TBX5: variants seen among roughly 807,000 people sequenced by gnomAD.
TBX5 encodes T-box transcription factor TBX5.
In TBX5, 8 loss-of-function variants were observed where a neutral mutation model predicts 51.1. The observed-to-expected ratio is 0.16, with a 90% CI of 0.09 to 0.28. TBX5 has a LOEUF of 0.28. Among genes scored for constraint, TBX5 ranks in the 10% least tolerant of loss-of-function variants. The pLI, the probability that TBX5 is intolerant of heterozygous loss-of-function variation, is 1.00. For synonymous variants in TBX5, 302 were observed against 266.4 expected, an observed-to-expected ratio of 1.13 and a Z score of -1.30; for missense variants, 589 against 671.7, an observed-to-expected ratio of 0.88 and a Z score of 1.36.
chr12:114,379,378 G>C (rs1178214236), intron 7 of TBX5, among the ~76,000 whole-genome samples: 1 of 152,192 alleles, frequency 6.6e-6, no homozygotes, highest in Non-Finnish European at 1.5e-5. Flanking sequence ...GGAGCTCTTT[G>C]TGGAAGTGTA....
In TBX5 at chr12:114,355,640, C is replaced by T. The variant is rs117965596; in HGVS notation, c.1449G>A (p.Gln483=). 4.1e-5 allele frequency: 66 copies of T among 1,614,170 alleles called. No homozygotes were observed. In the East Asian group the frequency reaches 1.4e-3, roughly 35 times the overall value. Residue 483 remains glutamine (Q), a synonymous_variant, in exon 9 of 9, where the codon CAG becomes CAA. Transcript: ENST00000405440. The part of the protein sequence containing the change: ...QTGLQSPGTL[Q]PPEFLYSHGV... Reference sequence around the variant, plus strand: ...CATGAGAGTAGAGGAACTCAGGGGGCTGAAGGGTGCCAGGGGACTGCAGGC... The same window carrying T: ...CATGAGAGTAGAGGAACTCAGGGGGTTGAAGGGTGCCAGGGGACTGCAGGC...
intron 6 of TBX5, among the ~76,000 whole-genome samples, chr12:114,394,323 T>C (rs1871305327): frequency 6.6e-6 from 1 of 151,408 alleles, no homozygotes; most frequent in Non-Finnish European, 1.5e-5. Flanking sequence ...TGTCTCGGAG[T>C]GAAAAATATT....
intron 5 of TBX5, among the ~76,000 whole-genome samples, chr12:114,395,112 A>G (rs1871348001): frequency 6.6e-6 from 1 of 152,222 alleles, no homozygotes; most frequent in Non-Finnish European, 1.5e-5. Context: ...TATTCCAGGA[A>G]TCTACCCAAG....
chr12:114,400,626 C>T (rs1040638268), intron 3 of TBX5, among the ~76,000 whole-genome samples: 1 of 152,184 alleles, frequency 6.6e-6, no homozygotes, highest in South Asian at 2.1e-4. Flanking sequence ...TCAGCCTGAG[C>T]GAGCGCGCCC....
At chr12:114,370,288 G>GAAAAGAAAAGAAAGAAAAGA (rs56105735) in intron 7 of TBX5, among the ~76,000 whole-genome samples, 41 of 56,714 alleles carry the variant, frequency 7.2e-4, no homozygotes, top group Admixed American at 4.5e-3. Context: ...GAAAAGAAAA[G>GAAAAGAAAAGAAAGAAAAGA]AAAGAAAAGA....
intron 8 of TBX5, among the ~76,000 whole-genome samples, chr12:114,360,231 C>T (rs1869155041): frequency 6.6e-6 from 1 of 152,310 alleles, no homozygotes; most frequent in South Asian, 2.1e-4. Context: ...TTCTGACTCA[C>T]AAAGCAGTGC....
At chr12:114,386,719 C>T (rs2050577215) in intron 6 of TBX5, among the ~76,000 whole-genome samples, 1 of 152,168 alleles carries the variant, frequency 6.6e-6, no homozygotes, top group African/African-American at 2.4e-5. Context: ...AAATTAGACA[C>T]TTTTAGAGAA....
rs114023413 is a variant in TBX5, at chr12:114,360,668, G to T, written c.983-4562C>A. On this transcript the variant is annotated intron_variant, in intron 8 of 8. Coordinates refer to ENST00000405440, the MANE Select transcript of TBX5 (RefSeq NM_181486.4). ...GATGAGTGGGTGGATGGATGAGTGA[G>T]TGGATAGATAGATGAGTGATGGATG... Among the ~76,000 whole-genome samples the T allele has an allele frequency of 4.2e-3, 626 of 149,328 alleles. 7 individuals are homozygous for T. The highest frequency in any genetic ancestry group is 0.015 in the African/African-American group (601 of 40,570).
At chr12:114,358,528 A>G (rs545226876) in intron 8 of TBX5, among the ~76,000 whole-genome samples, 1 of 152,320 alleles carries the variant, frequency 6.6e-6, no homozygotes, top group East Asian at 1.9e-4. Flanking sequence ...AGCCAAAAGT[A>G]TCCACAAACA....
At chr12:114,402,027 C>T in intron 2 of TBX5, 107 bp from the exon 3 acceptor site, 5 of 1,013,664 alleles carry the variant, frequency 4.9e-6, no homozygotes, top group South Asian at 2.7e-5. Context: ...CCGCTGGAGC[C>T]TGTGGTCTCA....
At chr12:114,378,364 G>A (rs943643812) in intron 7 of TBX5, among the ~76,000 whole-genome samples, 11 of 152,296 alleles carry the variant, frequency 7.2e-5, no homozygotes, top group African/African-American at 2.2e-4. Context: ...TCTCCATCCT[G>A]AAGAAAGCAA....
chr12:114,355,281 G>T lies in TBX5; in HGVS notation c.*251C>A. ...GTTGATGGGTGTGGTGGTAGTGGGG[G>T]GTGGGACTCATCTTTTTGTGTTTGT... On this transcript the variant is annotated 3_prime_UTR_variant, in exon 9 of 9. Transcript: ENST00000405440. 1.8e-6 allele frequency: 1 copy of T among 551,466 alleles called. No individual in the cohort carries two copies. Among genetic ancestry groups the T allele is most frequent in the Non-Finnish European group, 3.4e-6 (1 of 296,242 alleles). The allele number at this position is 551,466 out of a possible 1,614,324, so 34.2% of individuals were successfully genotyped here. A position where few individuals can be genotyped will look rare whatever the true frequency, so the allele number is the denominator to read the frequency against.
At chr12:114,385,604 A>C (rs769154162) in intron 6 of TBX5, 37 bp from the exon 7 acceptor site, 1 of 1,554,662 alleles carries the variant, frequency 6.4e-7, no homozygotes, top group Non-Finnish European at 8.9e-7. Flanking sequence ...GCTGGTTTTC[A>C]CTTGATTGCT....
At chr12:114,393,980 A>C (rs956478324) in intron 6 of TBX5, among the ~76,000 whole-genome samples, 5 of 152,186 alleles carry the variant, frequency 3.3e-5, no homozygotes, top group Non-Finnish European at 5.9e-5. Context: ...AATCCTAAGG[A>C]TCCCGGCAAC....
At chr12:114,403,664 G>A (rs907069574) in intron 2 of TBX5, 88 bp downstream of exon 2, 3 of 1,540,400 alleles carry the variant, frequency 1.9e-6, no homozygotes, top group African/African-American at 1.4e-5. Context: ...TTTTGTTTTT[G>A]TTCTGTCCCC....
At chr12:114,368,388 G>A (rs1196860667) in intron 7 of TBX5, among the ~76,000 whole-genome samples, 2 of 152,118 alleles carry the variant, frequency 1.3e-5, no homozygotes, top group African/African-American at 4.8e-5. Flanking sequence ...AAATTAAAGA[G>A]TATACCTGAA....
At position 114,365,273 on chromosome 12, in the gene TBX5, T is replaced by C. The variant is rs935381322; in HGVS notation, c.982+892A>G. 1.9e-4 allele frequency among the ~76,000 whole-genome samples: 28 copies of C among 151,216 alleles called. 1 individual carries two copies. The highest frequency in any genetic ancestry group is 5.8e-4 in the African/African-American group (24 of 41,042). ...CACTGACACATATGCCAGAGAAGCA[T>C]TGATAGTCACAAGGGGTTTTCCTGC... On this transcript the variant is annotated intron_variant, in intron 8 of 8. Coordinates refer to ENST00000405440, the MANE Select transcript of TBX5 (RefSeq NM_181486.4).
intron 5 of TBX5, 56 bp from the exon 6 acceptor site, chr12:114,394,949 A>T: frequency 6.3e-7 from 1 of 1,578,636 alleles, no homozygotes; most frequent in Non-Finnish European, 8.7e-7. Flanking sequence ...CTTTGTCTCC[A>T]GATAAAACCC....
chr12:114,378,411 T>A (rs2136389421), intron 7 of TBX5, among the ~76,000 whole-genome samples: 1 of 152,306 alleles, frequency 6.6e-6, no homozygotes, highest in Non-Finnish European at 1.5e-5. Context: ...CCAAACTGTG[T>A]GACCTTGGGC....
Sources: gnomAD v4.1 joint callset for allele counts (sites outside exome capture counted in the v4.1 genomes callset) on GRCh38, gnomAD v4.1.1 for gene constraint, MANE v1.5 for transcripts, NCBI Gene and HGNC (gene_info 2026-07-23, HGNC 2026-07-21) for gene names.